Variants in RARB observed in about 807,000 individuals in gnomAD.
RARB encodes retinoic acid receptor beta.
RARB carries 17 observed loss-of-function variants against 51.9 expected under a neutral mutation model. The observed-to-expected ratio is 0.33, with a 90% CI of 0.22 to 0.49. RARB has a LOEUF of 0.49. Ranked by LOEUF, RARB falls within the 20% of genes least tolerant of loss-of-function variation. The pLI, the probability that RARB is intolerant of heterozygous loss-of-function variation, is 0.99. For missense variants in RARB, 369 were observed against 550.8 expected (o/e 0.67, Z 3.30); for synonymous variants, 215 against 195.4 (o/e 1.10, Z -0.84).
intron 3 of RARB, among the ~76,000 whole-genome samples, chr3:25,083,408 T>A (rs993624705): frequency 5.3e-5 from 8 of 151,304 alleles, no homozygotes; most frequent in Non-Finnish European, 1.2e-4. Flanking sequence ...TGATCTCTTT[T>A]GGCATTTGAA....
intron 2 of RARB, among the ~76,000 whole-genome samples, chr3:24,989,239 C>T (rs55835885): frequency 0.17 from 26,288 of 152,154 alleles, 2,525 homozygotes; most frequent in African/African-American, 0.24. Flanking sequence ...GGCAGGAATG[C>T]GAGCCCATCA....
intron 2 of RARB, among the ~76,000 whole-genome samples, chr3:24,980,991 G>C (rs375146568): frequency 6.6e-6 from 1 of 150,446 alleles, no homozygotes; most frequent in East Asian, 1.9e-4. Context: ...TATTCCTTTC[G>C]TTTTGTTAGT....
chr3:25,072,457 C>T (rs1698786628), intron 3 of RARB, among the ~76,000 whole-genome samples: 1 of 151,946 alleles, frequency 6.6e-6, no homozygotes, highest in African/African-American at 2.4e-5. Flanking sequence ...AAATGAGGAG[C>T]GATACCATTT....
rs149926340 is a variant in RARB at position 25,475,401 on chromosome 3, A to AGG, written c.306+14068_306+14069dup. 3.3e-5 allele frequency among the ~76,000 whole-genome samples: 5 copies of AGG among 151,304 alleles called. No individual in the cohort carries two copies. In the East Asian group the frequency reaches 9.8e-4, roughly 30 times the overall value. ...GGATAAGCTATTATCCAAATAACAA[A>AGG]GGGGGGGGGATCCCCTGCAAAAAAT... On this transcript the variant is annotated intron_variant, in intron 2 of 7. Transcript: ENST00000330688.
At position 25,596,744 on chromosome 3, in the gene RARB, G is replaced by T. The variant is rs79679061; in HGVS notation, c.*128G>T. The T allele has an allele frequency of 1.5e-3, 1,229 of 830,504 alleles. 13 individuals are homozygous for T. In the African/African-American group the frequency reaches 0.019, roughly 13 times the overall value. The allele number at this position is 830,504 out of a possible 1,614,324, so 51.4% of individuals were successfully genotyped here. A position where few individuals can be genotyped will look rare whatever the true frequency, so the allele number is the denominator to read the frequency against. ...GATATTAAAACTCAAGAAGGACCAA[G>T]AAGTTTTCATATGTATCAATATATA... On this transcript the variant is annotated 3_prime_UTR_variant, in exon 8 of 8. Coordinates refer to ENST00000330688, the MANE Select transcript of RARB (RefSeq NM_000965.5).
At chr3:24,901,763 G>A (rs1430205355) in intron 2 of RARB, among the ~76,000 whole-genome samples, 2 of 152,080 alleles carry the variant, frequency 1.3e-5, no homozygotes, top group East Asian at 1.9e-4. Flanking sequence ...CTGACTAGGG[G>A]GATTCCTCTG....
intron 5 of RARB, among the ~76,000 whole-genome samples, chr3:25,317,677 T>G (rs1575307650): frequency 6.6e-6 from 1 of 152,132 alleles, no homozygotes; most frequent in Non-Finnish European, 1.5e-5. Flanking sequence ...TAGATACATA[T>G]AGGAAATGGG....
At chr3:24,888,174 G>A (rs945199570) in intron 2 of RARB, among the ~76,000 whole-genome samples, 2 of 152,142 alleles carry the variant, frequency 1.3e-5, no homozygotes, top group Non-Finnish European at 2.9e-5. Flanking sequence ...GAAACCCAAA[G>A]ATGGGCTGTT....
chr3:24,969,415 G>T (rs1273082089), intron 2 of RARB, among the ~76,000 whole-genome samples: 6 of 152,056 alleles, frequency 3.9e-5, no homozygotes, highest in Non-Finnish European at 8.8e-5. Context: ...AATGATGTCA[G>T]TAACAGCTTA....
At chr3:25,202,690 A>T (rs936366653) in intron 5 of RARB, among the ~76,000 whole-genome samples, 3 of 152,168 alleles carry the variant, frequency 2.0e-5, no homozygotes, top group African/African-American at 7.2e-5. Context: ...ATTTTGTTAT[A>T]TACCCACTAG....
chr3:24,876,036 G>A (rs1266553743), intron 2 of RARB, among the ~76,000 whole-genome samples: 1 of 152,082 alleles, frequency 6.6e-6, no homozygotes, highest in Middle Eastern at 3.2e-3. Flanking sequence ...TTGTGATTGG[G>A]TTGAGGTTAT....
intron 3 of RARB, among the ~76,000 whole-genome samples, chr3:25,121,193 G>A (rs896013558): frequency 6.6e-6 from 1 of 152,076 alleles, no homozygotes; most frequent in Non-Finnish European, 1.5e-5. Flanking sequence ...CAAAGGGGAG[G>A]GCAGAGTTCC....
rs374149777 is a variant in RARB, at chr3:25,256,004, C to T, written c.178+81429C>T. On this transcript the variant is annotated intron_variant, in intron 5 of 11. Transcript: ENST00000383772. ...TAACTATGATTATTTGTAACCATCTCTTAATGTATCATATCATGTAAATGT... is the reference window on the plus strand; with the variant it reads ...TAACTATGATTATTTGTAACCATCTTTTAATGTATCATATCATGTAAATGT... 1.1e-4 allele frequency among the ~76,000 whole-genome samples: 16 copies of T among 152,240 alleles called. No homozygotes were observed. In the East Asian group the frequency reaches 2.9e-3, roughly 28 times the overall value.
chr3:25,451,107 AC>A (rs1047578153), intron 1 of RARB, among the ~76,000 whole-genome samples: 2 of 152,184 alleles, frequency 1.3e-5, no homozygotes, highest in Non-Finnish European at 2.9e-5. Flanking sequence ...CAGAAAAAAA[AC>A]AAAAAAAACC....
intron 1 of RARB, among the ~76,000 whole-genome samples, chr3:24,845,928 A>C (rs558580223): frequency 3.9e-5 from 6 of 152,268 alleles, no homozygotes; most frequent in Admixed American, 1.3e-4. Flanking sequence ...CTGTGCTTTT[A>C]CGGTTTACAC....
chr3:25,181,931 T>C (rs1053661513), intron 5 of RARB, among the ~76,000 whole-genome samples: 4 of 152,210 alleles, frequency 2.6e-5, no homozygotes, highest in Admixed American at 2.6e-4. Context: ...ACTCTAATTC[T>C]GCATAGAGGG....
At chr3:25,440,396 G>C (rs1036225787) in intron 1 of RARB, among the ~76,000 whole-genome samples, 1 of 151,572 alleles carries the variant, frequency 6.6e-6, no homozygotes, top group Admixed American at 6.6e-5. Context: ...GCAGTGAGCC[G>C]GGATTGCACC....
intron 2 of RARB, among the ~76,000 whole-genome samples, chr3:24,928,365 A>G (rs969104667): frequency 6.6e-6 from 1 of 151,998 alleles, no homozygotes; most frequent in Non-Finnish European, 1.5e-5. Flanking sequence ...AATATAACCC[A>G]TCCTGTAAGT....
At chr3:25,162,606 C>A (rs113957830) in intron 4 of RARB, among the ~76,000 whole-genome samples, 2 of 152,280 alleles carry the variant, frequency 1.3e-5, no homozygotes, top group African/African-American at 4.8e-5. Context: ...TAGCACCTGA[C>A]AACTACTAAT....
Sources: allele counts gnomAD v4.1 joint callset (sites outside exome capture counted in the v4.1 genomes callset), GRCh38; gene constraint gnomAD v4.1.1; transcripts MANE v1.5; gene names NCBI Gene and HGNC (gene_info 2026-07-23, HGNC 2026-07-21).